Variants in JMJD1C observed in about 807,000 individuals in gnomAD.
JMJD1C encodes jumonji domain-containing protein 1C.
A neutral mutation model predicts 245.3 loss-of-function variants in JMJD1C; 31 were observed. The observed-to-expected ratio is 0.13, with a 90% CI of 0.09 to 0.17. JMJD1C has a LOEUF of 0.17. Among genes scored for constraint, JMJD1C ranks in the 10% least tolerant of loss-of-function variants. The pLI, the probability that JMJD1C is intolerant of heterozygous loss-of-function variation, is 1.00. For missense variants in JMJD1C, 2,691 were observed against 3,000.2 expected (o/e 0.90, Z 2.41); for synonymous variants, 1,057 against 1,017.4 (o/e 1.04, Z -0.74).
intron 3 of JMJD1C, among the ~76,000 whole-genome samples, chr10:63,245,660 T>G (rs948490833): frequency 1.3e-5 from 2 of 152,090 alleles, no homozygotes; most frequent in Non-Finnish European, 2.9e-5. Flanking sequence ...TTTTTGTATT[T>G]TTAGTAGAGA....
At chr10:63,452,105 A>T (rs1952106822) in intron 1 of JMJD1C, among the ~76,000 whole-genome samples, 1 of 152,218 alleles carries the variant, frequency 6.6e-6, no homozygotes. Flanking sequence ...CTACATTAAA[A>T]TTTATAATTT....
intron 1 of JMJD1C, among the ~76,000 whole-genome samples, chr10:63,418,641 A>G (rs1220853620): frequency 6.6e-6 from 1 of 152,250 alleles, no homozygotes; most frequent in Non-Finnish European, 1.5e-5. Flanking sequence ...AAAGGCTTAC[A>G]GCAGAGAAAT....
intron 1 of JMJD1C, among the ~76,000 whole-genome samples, chr10:63,494,645 T>A (rs1954296405): frequency 6.6e-6 from 1 of 152,216 alleles, no homozygotes; most frequent in African/African-American, 2.4e-5. Context: ...CAATTTCCCT[T>A]TTAGAAATCT....
At chr10:63,200,407 A>AC in intron 11 of JMJD1C, 69 bp downstream of exon 11, 1 of 1,188,484 alleles carries the variant, frequency 8.4e-7, no homozygotes, top group South Asian at 1.3e-5. Flanking sequence ...GACACTCAGA[A>AC]TAACACTATA....
At chr10:63,439,118 A>T (rs1951217730) in intron 1 of JMJD1C, among the ~76,000 whole-genome samples, 1 of 152,198 alleles carries the variant, frequency 6.6e-6, no homozygotes, top group Admixed American at 6.5e-5. Context: ...CACCTGTCAA[A>T]GACTAAATAA....
chr10:63,503,694 A>G (rs1012618877), intron 1 of JMJD1C, among the ~76,000 whole-genome samples: 1 of 152,214 alleles, frequency 6.6e-6, no homozygotes, highest in African/African-American at 2.4e-5. Flanking sequence ...TTGACTCAAC[A>G]TTATTCTTTG....
At chr10:63,336,069 G>A (rs1012956560) in intron 2 of JMJD1C, among the ~76,000 whole-genome samples, 7 of 151,918 alleles carry the variant, frequency 4.6e-5, no homozygotes, top group African/African-American at 1.2e-4. Context: ...TGCGGTGAGC[G>A]GAGATCGCAC....
intron 1 of JMJD1C, among the ~76,000 whole-genome samples, chr10:63,474,134 T>C (rs1333957006): frequency 6.6e-6 from 1 of 151,986 alleles, no homozygotes; most frequent in Admixed American, 6.6e-5. Context: ...AAATAACTTC[T>C]GGGAAGCAAT....
intron 21 of JMJD1C, among the ~76,000 whole-genome samples, chr10:63,183,845 C>T (rs535050128): frequency 6.6e-6 from 1 of 152,294 alleles, no homozygotes; most frequent in East Asian, 1.9e-4. Flanking sequence ...TAATTCCTAA[C>T]ATGTTGCTTC....
chr10:63,209,743 C>T (rs1185305511), intron 8 of JMJD1C, among the ~76,000 whole-genome samples: 3 of 152,154 alleles, frequency 2.0e-5, no homozygotes, highest in Non-Finnish European at 4.4e-5. Context: ...CAAATGCACT[C>T]CCCATTTCAC....
In JMJD1C at chr10:63,194,425, A is replaced by C. The variant is rs748705103; in HGVS notation, c.5645-50T>G. ...TCACACTCATGGTTTCATAATTATA[A>C]ATTGATAGTGTAAAGAACTTAACGA... On this transcript the variant is annotated intron_variant, in intron 13 of 25. Coordinates refer to ENST00000399262, the MANE Select transcript of JMJD1C (RefSeq NM_032776.3). 26 of 1,216,606 alleles carry C rather than the reference A, an allele frequency of 2.1e-5. No individual in the cohort carries two copies. In the East Asian group the frequency reaches 6.0e-4, roughly 28 times the overall value. The allele number at this position is 1,216,606 out of a possible 1,614,324, so 75.4% of individuals were successfully genotyped here.
rs143307316 is a variant in JMJD1C, at chr10:63,448,813, G to C, written c.168+16682C>G. On this transcript the variant is annotated intron_variant, in intron 1 of 25. Transcript: ENST00000399262. ...GAATAGATAACAGCATTTTGAAAAA[G>C]TAGTGTTTAAGATACTTCAGGAGGT... Among the ~76,000 whole-genome samples, 55 of 152,208 alleles carry C rather than the reference G, an allele frequency of 3.6e-4. 1 individual carries two copies. Among genetic ancestry groups the C allele is most frequent in the African/African-American group, 1.2e-3 (49 of 41,552 alleles).
intron 1 of JMJD1C, among the ~76,000 whole-genome samples, chr10:63,429,906 T>C (rs1241548290): frequency 6.6e-6 from 1 of 152,230 alleles, no homozygotes; most frequent in Non-Finnish European, 1.5e-5. Flanking sequence ...GAGTTCCTAC[T>C]GTGAGCTACT....
chr10:63,307,080 T>A (rs930076371), intron 2 of JMJD1C, among the ~76,000 whole-genome samples: 1 of 152,198 alleles, frequency 6.6e-6, no homozygotes, highest in Non-Finnish European at 1.5e-5. Context: ...AAAAGAGGTA[T>A]TTAAAGGCAA....
At position 63,186,196 on chromosome 10, in the gene JMJD1C, A is replaced by G. The variant is rs1007082641; in HGVS notation, c.6739+19T>C. On this transcript the variant is annotated intron_variant, in intron 19 of 25. Transcript: ENST00000399262. ...GAAGGAGTATGATGGAGAAAATAGT[A>G]AAATAAAAACCAACATACTTGAAAC... 1.6e-5 allele frequency: 25 copies of G among 1,581,130 alleles called. No individual in the cohort carries two copies. Among genetic ancestry groups the G allele is most frequent in the Non-Finnish European group, 2.1e-5 (24 of 1,160,354 alleles).
intron 2 of JMJD1C, among the ~76,000 whole-genome samples, chr10:63,369,384 C>A (rs1477041369): frequency 6.7e-6 from 1 of 149,620 alleles, no homozygotes; most frequent in African/African-American, 2.5e-5. Flanking sequence ...TCAAGTGATA[C>A]CCCCCACCTC....
At chr10:63,492,643 C>A (rs1954213944) in intron 1 of JMJD1C, among the ~76,000 whole-genome samples, 1 of 151,858 alleles carries the variant, frequency 6.6e-6, no homozygotes, top group Admixed American at 6.6e-5. Context: ...ACACTGCACT[C>A]CAGCCTGGCT....
chr10:63,451,884 C>A (rs1361711155), intron 1 of JMJD1C, among the ~76,000 whole-genome samples: 1 of 152,132 alleles, frequency 6.6e-6, no homozygotes, highest in Non-Finnish European at 1.5e-5. Context: ...ATGAGATTAA[C>A]AGATGTAAGA....
intron 1 of JMJD1C, among the ~76,000 whole-genome samples, chr10:63,457,080 T>G (rs1207184091): frequency 6.6e-6 from 1 of 152,212 alleles, no homozygotes; most frequent in Non-Finnish European, 1.5e-5. Context: ...ACTGCTCTTG[T>G]GTTTTAAAAA....
Sources: gnomAD v4.1 joint callset for allele counts (sites outside exome capture counted in the v4.1 genomes callset) on GRCh38, gnomAD v4.1.1 for gene constraint, MANE v1.5 for transcripts, NCBI Gene and HGNC (gene_info 2026-07-23, HGNC 2026-07-21) for gene names.